The following ARK2C variants were observed in gnomAD, a reference collection of about 807,000 sequenced individuals.
ARK2C encodes E3 ubiquitin-protein ligase ARK2C.
chr18:46,432,373 C>T, the ARK2C span, among the ~76,000 whole-genome samples: 3 of 152,118 alleles, frequency 2.0e-5, no homozygotes, highest in South Asian at 4.1e-4. Context: ...AAAACTATTT[C>T]GTGTGATCTG....
the ARK2C span, among the ~76,000 whole-genome samples, chr18:46,353,659 G>A: frequency 7.9e-5 from 12 of 152,342 alleles, no homozygotes; most frequent in Non-Finnish European, 1.5e-4. Context: ...GGGCCCTGGA[G>A]ACGCATGCTG....
chr18:46,347,261 C>T, the ARK2C span, among the ~76,000 whole-genome samples: 9 of 152,326 alleles, frequency 5.9e-5, no homozygotes, highest in East Asian at 1.9e-4. Context: ...CTGTCACCCT[C>T]GTCTGAATTT....
the ARK2C span, among the ~76,000 whole-genome samples, chr18:46,395,361 T>C: frequency 1.3e-5 from 2 of 152,196 alleles, no homozygotes; most frequent in Non-Finnish European, 2.9e-5. Flanking sequence ...TGATTCTTTG[T>C]TGCAGGGGCT....
the ARK2C span, among the ~76,000 whole-genome samples, chr18:46,379,496 A>G: frequency 6.6e-6 from 1 of 152,292 alleles, no homozygotes; most frequent in Non-Finnish European, 1.5e-5. Flanking sequence ...AGGTTAAGTG[A>G]CCTACCTGAG....
the ARK2C span, chr18:46,334,496 G>T: frequency 1.7e-6 from 1 of 586,894 alleles, no homozygotes; most frequent in South Asian, 3.1e-5. This position sits in a 1 kb window ranked among gnomAD's most constrained non-coding sequence, Gnocchi z 4.4. Context: ...ACCCCCGAGG[G>T]TGGGGGCGGC....
the ARK2C span, among the ~76,000 whole-genome samples, chr18:46,369,052 C>T: frequency 6.6e-6 from 1 of 152,222 alleles, no homozygotes; most frequent in Non-Finnish European, 1.5e-5. Context: ...TAAGAATTCA[C>T]GGTCCTGAGA....
chr18:46,431,554 G>T, the ARK2C span, among the ~76,000 whole-genome samples: 2 of 152,148 alleles, frequency 1.3e-5, no homozygotes. Flanking sequence ...ACACGCTTAG[G>T]TAACAGTGTT....
At chr18:46,414,758 C>T in the ARK2C span, among the ~76,000 whole-genome samples, 811 of 152,316 alleles carry the variant, frequency 5.3e-3, 7 homozygotes, top group African/African-American at 0.019. Flanking sequence ...GTCCTCAGGT[C>T]CTCCTTTGCC....
At chr18:46,378,840 G>C in the ARK2C span, among the ~76,000 whole-genome samples, 43 of 152,318 alleles carry the variant, frequency 2.8e-4, no homozygotes, top group South Asian at 7.9e-3. Context: ...AACGGAGGGG[G>C]TGCAGGATAG....
chr18:46,378,129 G>A, the ARK2C span, among the ~76,000 whole-genome samples: 1 of 152,220 alleles, frequency 6.6e-6, no homozygotes, highest in African/African-American at 2.4e-5. Flanking sequence ...CAGATTGAAT[G>A]CAGGTTCCAT....
At chr18:46,337,320 G>A in the ARK2C span, 87 of 985,258 alleles carry the variant, frequency 8.8e-5, no homozygotes, top group Non-Finnish European at 1.0e-4. Context: ...TTCTTATTTT[G>A]TGGGTAATTT....
At chr18:46,401,024 G>A in the ARK2C span, among the ~76,000 whole-genome samples, 3 of 152,264 alleles carry the variant, frequency 2.0e-5, no homozygotes, top group African/African-American at 7.2e-5. Flanking sequence ...GGAAACGCTG[G>A]GGAGGCCAGA....
At chr18:46,386,010 T>C in the ARK2C span, 1 of 151,898 alleles carries the variant, frequency 6.6e-6, no homozygotes, top group Non-Finnish European at 1.5e-5. Flanking sequence ...CGGAAGGGAG[T>C]TGCTTCCAAC....
chr18:46,379,417 C>A, the ARK2C span, among the ~76,000 whole-genome samples: 9 of 152,184 alleles, frequency 5.9e-5, no homozygotes, highest in Admixed American at 5.9e-4. Flanking sequence ...ATTCTAAAGG[C>A]CTCTACTTAC....
At chr18:46,455,986 G>A in the ARK2C span, 6 of 1,611,862 alleles carry the variant, frequency 3.7e-6, no homozygotes, top group Non-Finnish European at 4.2e-6. Flanking sequence ...AAGACCCCAG[G>A]ATGGCAAGGG....
chr18:46,397,536 G>A, the ARK2C span, among the ~76,000 whole-genome samples: 1 of 139,158 alleles, frequency 7.2e-6, no homozygotes, highest in Admixed American at 7.0e-5. Context: ...TGGTGTGTGT[G>A]TGGGGTCATG....
At chr18:46,388,293 G>T in the ARK2C span, among the ~76,000 whole-genome samples, 1 of 152,140 alleles carries the variant, frequency 6.6e-6, no homozygotes, top group Non-Finnish European at 1.5e-5. Context: ...ACTTGGAAAG[G>T]TTGCAAACCT....
chr18:46,458,913 A>G, the ARK2C span: 1 of 152,208 alleles, frequency 6.6e-6, no homozygotes, highest in East Asian at 1.9e-4. Flanking sequence ...CAGTGTATGA[A>G]AATGTCTCCA....
At chr18:46,413,762 C>T in the ARK2C span, among the ~76,000 whole-genome samples, 2 of 152,106 alleles carry the variant, frequency 1.3e-5, no homozygotes, top group African/African-American at 2.4e-5. Flanking sequence ...TTAAAAAGCA[C>T]ATTACATATG....
Sources: gnomAD v4.1 joint callset for allele counts (sites outside exome capture counted in the v4.1 genomes callset) on GRCh38, gnomAD v4.1.1 for gene constraint, Gnocchi (gnomAD v3.1) non-coding constraint, MANE v1.5 for transcripts, NCBI Gene and HGNC (gene_info 2026-07-23, HGNC 2026-07-21) for gene names.